Variants in NRXN3 observed in about 807,000 individuals in gnomAD.
NRXN3 encodes neurexin III.
NRXN3 carries 32 observed loss-of-function variants against 137.6 expected under a neutral mutation model. The observed-to-expected ratio is 0.23, with a 90% CI of 0.18 to 0.31. NRXN3 has a LOEUF of 0.31. NRXN3 is among the 10% of genes least tolerant of loss of function. The pLI is 1.00. For missense variants in NRXN3, 1,574 were observed against 2,062.5 expected (o/e 0.76, Z 4.59); for synonymous variants, 798 against 784.5 (o/e 1.02, Z -0.29).
chr14:79,468,494 A>T (rs930857811), intron 16 of NRXN3, among the ~76,000 whole-genome samples: 1 of 152,224 alleles, frequency 6.6e-6, no homozygotes, highest in African/African-American at 2.4e-5. Context: ...AAAAAGATCA[A>T]CTGGGGATTA....
At chr14:78,497,001 C>G (rs554502767) in intron 4 of NRXN3, among the ~76,000 whole-genome samples, 2 of 152,158 alleles carry the variant, frequency 1.3e-5, no homozygotes, top group East Asian at 3.9e-4. Context: ...GTACCAAGAA[C>G]AGTTTCTTGC....
At chr14:79,046,312 T>C (rs759821956) in intron 15 of NRXN3, among the ~76,000 whole-genome samples, 1 of 152,036 alleles carries the variant, frequency 6.6e-6, no homozygotes, top group Non-Finnish European at 1.5e-5. Context: ...GGACAATGAG[T>C]AGAAGAAGCA....
At chr14:79,631,589 C>T (rs548149997) in intron 16 of NRXN3, among the ~76,000 whole-genome samples, 13 of 152,232 alleles carry the variant, frequency 8.5e-5, no homozygotes, top group African/African-American at 1.9e-4. Flanking sequence ...TCTGGGCTGC[C>T]GGAGTGCCCG....
intron 19 of NRXN3, among the ~76,000 whole-genome samples, chr14:79,733,011 A>G (rs2098929414): frequency 6.6e-6 from 1 of 152,206 alleles, no homozygotes; most frequent in Non-Finnish European, 1.5e-5. Flanking sequence ...TACATGTAAG[A>G]ATCCTGACCT....
chr14:78,968,446 G>A, intron 14 of NRXN3, 100 bp downstream of exon 14: 1 of 1,091,446 alleles, frequency 9.2e-7, no homozygotes, highest in South Asian at 1.6e-5. Flanking sequence ...GACCAGTCCT[G>A]TCTCATTCTC....
rs539938695 is a variant in NRXN3 at position 78,431,391 on chromosome 14, T to G, written c.757+133531T>G. ...TCGAACACCCGTACTGTATGCAATG[T>G]GATGTTCCCTAAGGGTATGGCAATA... On this transcript the variant is annotated intron_variant, in intron 4 of 20. Coordinates refer to ENST00000335750, the MANE Select transcript of NRXN3 (RefSeq NM_001330195.2). Among the ~76,000 whole-genome samples the G allele has an allele frequency of 3.9e-5, 6 of 152,318 alleles. No homozygotes were observed. In the South Asian group the frequency reaches 1.2e-3, roughly 32 times the overall value.
intron 16 of NRXN3, among the ~76,000 whole-genome samples, chr14:79,605,781 C>T (rs149816655): frequency 5.3e-5 from 8 of 152,180 alleles, no homozygotes; most frequent in East Asian, 1.9e-4. Context: ...TGAACCACTG[C>T]GCCTGGCCGA....
chr14:78,596,428 C>T (rs1400037370), intron 4 of NRXN3, among the ~76,000 whole-genome samples: 1 of 152,100 alleles, frequency 6.6e-6, no homozygotes, highest in Non-Finnish European at 1.5e-5. Context: ...CTGTGGCTTC[C>T]CCATCTGTAA....
intron 8 of NRXN3, among the ~76,000 whole-genome samples, chr14:78,728,814 G>A (rs1274507319): frequency 1.3e-5 from 2 of 152,136 alleles, no homozygotes; most frequent in East Asian, 1.9e-4. Context: ...CAGGAGAATC[G>A]CATGAACCCA....
chr14:79,465,685 C>T (rs923707364), intron 15 of NRXN3, among the ~76,000 whole-genome samples: 7 of 152,140 alleles, frequency 4.6e-5, no homozygotes, highest in Non-Finnish European at 7.3e-5. Flanking sequence ...GAAATACATG[C>T]GGACCAGTGC....
chr14:79,237,277 A>G (rs981825213), intron 15 of NRXN3, among the ~76,000 whole-genome samples: 3 of 152,146 alleles, frequency 2.0e-5, no homozygotes, highest in African/African-American at 4.8e-5. Flanking sequence ...GTTTCTATTT[A>G]AAGTATTGTA....
chr14:79,730,574 T>C (rs2098918361), intron 19 of NRXN3, among the ~76,000 whole-genome samples: 2 of 152,206 alleles, frequency 1.3e-5, no homozygotes, highest in South Asian at 2.1e-4. Context: ...AAGAAGTTCA[T>C]TATAATAATT....
intron 8 of NRXN3, among the ~76,000 whole-genome samples, chr14:78,722,244 G>T (rs1379573398): frequency 6.6e-6 from 1 of 152,174 alleles, no homozygotes; most frequent in Admixed American, 6.5e-5. Context: ...GCACTTTGGT[G>T]CAGTGTGTGA....
chr14:79,604,673 G>C (rs1458966983), intron 16 of NRXN3, among the ~76,000 whole-genome samples: 1 of 152,064 alleles, frequency 6.6e-6, no homozygotes, highest in African/African-American at 2.4e-5. Flanking sequence ...TGTATAAGAA[G>C]ATAAAAAGCT....
intron 16 of NRXN3, among the ~76,000 whole-genome samples, chr14:79,609,959 G>A (rs978702872): frequency 6.6e-6 from 1 of 151,914 alleles, no homozygotes; most frequent in African/African-American, 2.4e-5. Flanking sequence ...GGGGTAGGAG[G>A]TTGGGGGAGG....
At chr14:79,742,691 C>G (rs898364030) in intron 19 of NRXN3, among the ~76,000 whole-genome samples, 2 of 152,118 alleles carry the variant, frequency 1.3e-5, no homozygotes, top group African/African-American at 4.8e-5. Context: ...TTTATGTAGT[C>G]TCACCTCTCC....
At chr14:78,344,155 C>G (rs982875139) in intron 4 of NRXN3, among the ~76,000 whole-genome samples, 2 of 152,188 alleles carry the variant, frequency 1.3e-5, no homozygotes, top group Non-Finnish European at 2.9e-5. Flanking sequence ...TGAAGCCCAC[C>G]TCTCTACTTC....
At chr14:78,667,717 T>A (rs2097899683) in intron 6 of NRXN3, among the ~76,000 whole-genome samples, 1 of 152,212 alleles carries the variant, frequency 6.6e-6, no homozygotes, top group South Asian at 2.1e-4. Flanking sequence ...TGTGTGCATA[T>A]GTGAAATATG....
chr14:78,537,401 G>A (rs138512705), intron 4 of NRXN3, among the ~76,000 whole-genome samples: 1,760 of 152,128 alleles, frequency 0.012, 32 homozygotes, highest in African/African-American at 0.039. Context: ...TGGCTGCATA[G>A]ATGTCTTCTT....
Sources: gnomAD v4.1 joint callset for allele counts (sites outside exome capture counted in the v4.1 genomes callset) on GRCh38, gnomAD v4.1.1 for gene constraint, MANE v1.5 for transcripts, NCBI Gene and HGNC (gene_info 2026-07-23, HGNC 2026-07-21) for gene names.